The following COL13A1 variants were observed in gnomAD, a reference collection of about 807,000 sequenced individuals.
COL13A1 encodes the protein collagen type XIII alpha 1 chain.
A neutral mutation model predicts 130.9 loss-of-function variants in COL13A1; 89 were observed. That is an observed-to-expected ratio of 0.68 (90% CI 0.57 to 0.81). The LOEUF is 0.81. Ranked by LOEUF, COL13A1 falls within the 30% of genes least tolerant of loss-of-function variation. The pLI is 0.00. For synonymous variants in COL13A1, 402 were observed against 341.6 expected (o/e 1.18, Z -1.95); for missense variants, 879 against 934.6 (o/e 0.94, Z 0.78).
intron 1 of COL13A1, among the ~76,000 whole-genome samples, chr10:69,817,630 T>C (rs1161052836): frequency 6.6e-6 from 1 of 151,994 alleles, no homozygotes; most frequent in Non-Finnish European, 1.5e-5. Flanking sequence ...GGAGGAGACG[T>C]TGGATCTAGC....
chr10:69,837,012 G>T (rs927949816), intron 2 of COL13A1, among the ~76,000 whole-genome samples: 2 of 152,186 alleles, frequency 1.3e-5, no homozygotes, highest in African/African-American at 4.8e-5. Flanking sequence ...GTACTGGGCA[G>T]CTGTGCCGTG....
chr10:69,896,449 G>A (rs1015573365), intron 13 of COL13A1, among the ~76,000 whole-genome samples: 1 of 152,160 alleles, frequency 6.6e-6, no homozygotes, highest in Non-Finnish European at 1.5e-5. Flanking sequence ...GGACAGCAGG[G>A]ATGGAAGATG....
At chr10:69,918,207 G>C in intron 18 of COL13A1, 78 bp from the exon 19 acceptor site, 1 of 1,296,434 alleles carries the variant, frequency 7.7e-7, no homozygotes, top group Non-Finnish European at 1.1e-6. Context: ...CCATGGGGAG[G>C]CTGTCCACTG....
Position 69,826,759 on chromosome 10 carries a change from G to A in COL13A1, c.364+4321G>A, listed in dbSNP as rs184410224. 3.3e-3 allele frequency among the ~76,000 whole-genome samples: 496 copies of A among 152,302 alleles called. 5 individuals carry two copies. The highest frequency in any genetic ancestry group is 0.01 in the Middle Eastern group (3 of 294). ...ATACAAGGACTTAGACAAGGTGGAG[G>A]TGGAGGTCTCCCTTCCCTAGCAGGC... is the stretch of plus-strand genomic sequence containing the variant. On this transcript the variant is annotated intron_variant, in intron 2 of 40. Transcript: ENST00000645393.
chr10:69,850,709 A>T (rs1854533810), intron 2 of COL13A1, among the ~76,000 whole-genome samples: 2 of 150,732 alleles, frequency 1.3e-5, no homozygotes, highest in African/African-American at 4.9e-5. Flanking sequence ...CTACATACAC[A>T]CCATTGAAAG....
chr10:69,827,307 A>C (rs1006847798), intron 2 of COL13A1, among the ~76,000 whole-genome samples: 4 of 152,224 alleles, frequency 2.6e-5, no homozygotes, highest in African/African-American at 9.6e-5. Context: ...AGTAGGAGGC[A>C]AATGATTTCA....
intron 2 of COL13A1, among the ~76,000 whole-genome samples, chr10:69,843,160 G>A (rs1000971676): frequency 3.9e-5 from 6 of 152,132 alleles, no homozygotes; most frequent in South Asian, 2.1e-4. Context: ...TCACCATGTC[G>A]TGTTGCTCAA....
At chr10:69,859,168 G>C (rs1857268330) in intron 2 of COL13A1, among the ~76,000 whole-genome samples, 1 of 152,184 alleles carries the variant, frequency 6.6e-6, no homozygotes, top group African/African-American at 2.4e-5. Context: ...TAAGGTGCTT[G>C]GCGCTGGTAA....
intron 14 of COL13A1, among the ~76,000 whole-genome samples, chr10:69,902,296 C>T (rs1003163930): frequency 1.2e-4 from 19 of 152,202 alleles, no homozygotes; most frequent in Non-Finnish European, 2.6e-4. Flanking sequence ...AGACAGGAAA[C>T]GAGGGCTATT....
intron 38 of COL13A1, among the ~76,000 whole-genome samples, chr10:69,947,689 T>C (rs1690963630): frequency 1.3e-5 from 2 of 152,218 alleles, no homozygotes; most frequent in Admixed American, 1.3e-4. Flanking sequence ...TGCTACCTTG[T>C]CCTTGCCCTC....
chr10:69,871,857 T>A (rs1212096737), intron 3 of COL13A1, among the ~76,000 whole-genome samples: 1 of 152,216 alleles, frequency 6.6e-6, no homozygotes, highest in African/African-American at 2.4e-5. Context: ...CATTCTCTCA[T>A]TTGATCCTAA....
At chr10:69,885,940 A>G (rs4746012) in intron 7 of COL13A1, among the ~76,000 whole-genome samples, 37,237 of 152,006 alleles carry the variant, frequency 0.24, 5,512 homozygotes, top group Non-Finnish European at 0.33. Flanking sequence ...TCCCTGTTGA[A>G]CCAGCGCACC....
At chr10:69,842,449 A>G (rs1426663226) in intron 2 of COL13A1, among the ~76,000 whole-genome samples, 1 of 152,194 alleles carries the variant, frequency 6.6e-6, no homozygotes, top group Admixed American at 6.5e-5. Context: ...GTGCCCTGAC[A>G]CTAAGCCCTT....
intron 1 of COL13A1, among the ~76,000 whole-genome samples, chr10:69,808,084 G>C (rs1842043699): frequency 6.6e-6 from 1 of 152,062 alleles, no homozygotes; most frequent in Admixed American, 6.6e-5. Flanking sequence ...ATAAAGGCAG[G>C]GAGAATTACT....
At chr10:69,907,401 G>A (rs192039906) in intron 17 of COL13A1, among the ~76,000 whole-genome samples, 20 of 152,296 alleles carry the variant, frequency 1.3e-4, no homozygotes, top group Non-Finnish European at 2.4e-4. Context: ...CTGGGAAGCC[G>A]ACAGTCAAGG....
At position 69,921,947 on chromosome 10, in the gene COL13A1, T is replaced by C. The variant is rs376603644; in HGVS notation, c.1143+12T>C. On this transcript the variant is annotated intron_variant, in intron 22 of 40. Coordinates refer to ENST00000645393, the MANE Select transcript of COL13A1 (RefSeq NM_001368882.1). ...TCCTGGGGCAGAAGGTAGGTGTTGC[T>C]CTGAATGGAGGGTTCAAGTCCTTCG... 4 of 1,600,048 alleles carry C rather than the reference T, an allele frequency of 2.5e-6. No homozygotes were observed. The highest frequency in any genetic ancestry group is 2.6e-6 in the Non-Finnish European group (3 of 1,173,474).
chr10:69,866,987 T>C (rs1225843642), intron 2 of COL13A1, among the ~76,000 whole-genome samples: 1 of 152,104 alleles, frequency 6.6e-6, no homozygotes, highest in Non-Finnish European at 1.5e-5. Flanking sequence ...AGAAGCGCCT[T>C]TCCTTCCCTA....
At chr10:69,851,920 G>A (rs531387509) in intron 2 of COL13A1, among the ~76,000 whole-genome samples, 1 of 152,206 alleles carries the variant, frequency 6.6e-6, no homozygotes, top group African/African-American at 2.4e-5. Context: ...CTCCCAAAGT[G>A]CTGGGATTAC....
chr10:69,805,920 G>A (rs2132085685), intron 1 of COL13A1, among the ~76,000 whole-genome samples: 1 of 152,376 alleles, frequency 6.6e-6, no homozygotes. Context: ...GAAGGTCCCT[G>A]TCCTCATGGG....
Sources: gnomAD v4.1 joint callset for allele counts (sites outside exome capture counted in the v4.1 genomes callset) on GRCh38, gnomAD v4.1.1 for gene constraint, MANE v1.5 for transcripts, NCBI Gene and HGNC (gene_info 2026-07-23, HGNC 2026-07-21) for gene names.